The following TRHDE variants were observed in gnomAD, a reference collection of about 807,000 sequenced individuals.
TRHDE encodes thyrotropin releasing hormone degrading enzyme.
Under a neutral mutation model 125.7 loss-of-function variants are expected in TRHDE, and 72 were observed. The observed-to-expected ratio is 0.57, with a 90% confidence interval of 0.47 to 0.70. The LOEUF is 0.70. Ranked by LOEUF, TRHDE falls within the 30% of genes least tolerant of loss-of-function variation. The probability of loss-of-function intolerance (pLI) is 0.00; values close to 1 mark genes in which losing one functional copy is unlikely to be tolerated. For missense variants in TRHDE, 1,110 were observed against 1,327.1 expected (o/e 0.84, Z 2.54); for synonymous variants, 509 against 509.1 (o/e 1.00, Z 0.00).
At chr12:72,214,678 A>T (rs983241616) in intron 2 of TRHDE, among the ~76,000 whole-genome samples, 1 of 152,220 alleles carries the variant, frequency 6.6e-6, no homozygotes, top group East Asian at 1.9e-4. Flanking sequence ...AACAAAATCA[A>T]TGACACATAA....
chr12:72,096,710 G>C (rs535036498), intron 1 of TRHDE, among the ~76,000 whole-genome samples: 1 of 152,282 alleles, frequency 6.6e-6, no homozygotes, highest in Admixed American at 6.5e-5. Context: ...GAATAGCCCA[G>C]CTCAACCTAG....
intron 3 of TRHDE, among the ~76,000 whole-genome samples, chr12:72,412,525 G>A (rs117235376): frequency 1.1e-3 from 173 of 152,116 alleles, no homozygotes; most frequent in Non-Finnish European, 2.1e-3. Context: ...TTGAAGATGG[G>A]CCTGTCCTAT....
intron 2 of TRHDE, among the ~76,000 whole-genome samples, chr12:72,354,086 G>A (rs1217824736): frequency 6.6e-6 from 1 of 151,486 alleles, no homozygotes; most frequent in East Asian, 2.0e-4. Flanking sequence ...GGTATACTAT[G>A]GAATACTTAA....
At chr12:72,463,835 T>C (rs533578176) in intron 3 of TRHDE, among the ~76,000 whole-genome samples, 2 of 152,206 alleles carry the variant, frequency 1.3e-5, no homozygotes, top group Non-Finnish European at 2.9e-5. Context: ...AGATTATTCA[T>C]CAGAAGGGTA....
chr12:72,568,096 T>A (rs1349499671), intron 9 of TRHDE, among the ~76,000 whole-genome samples: 3 of 152,074 alleles, frequency 2.0e-5, no homozygotes, highest in Non-Finnish European at 4.4e-5. Flanking sequence ...TACGTCATAT[T>A]AACTTTTCTG....
intron 2 of TRHDE, among the ~76,000 whole-genome samples, chr12:72,173,211 A>G (rs1366067349): frequency 1.3e-5 from 2 of 152,188 alleles, no homozygotes; most frequent in Non-Finnish European, 2.9e-5. Flanking sequence ...GCCATTTGCA[A>G]TCATTATCTG....
At chr12:72,516,732 AG>A (rs1345305629) in intron 6 of TRHDE, among the ~76,000 whole-genome samples, 4 of 151,070 alleles carry the variant, frequency 2.6e-5, no homozygotes, top group African/African-American at 9.7e-5. Context: ...CAGTTTTCAA[AG>A]GGAATGCTTC....
chr12:72,546,324 A>G (rs1358214128), intron 7 of TRHDE, among the ~76,000 whole-genome samples: 1 of 151,706 alleles, frequency 6.6e-6, no homozygotes, highest in Non-Finnish European at 1.5e-5. Flanking sequence ...GAGAATTTAA[A>G]GCACTAAGGT....
At chr12:72,373,774 G>A (rs113034451) in intron 2 of TRHDE, among the ~76,000 whole-genome samples, 17 of 152,238 alleles carry the variant, frequency 1.1e-4, no homozygotes, top group African/African-American at 3.9e-4. Flanking sequence ...GTATGTTTGA[G>A]GAGTGAAAAG....
chr12:72,663,162 T>C lies in TRHDE; in HGVS notation c.3177T>C (p.Leu1059=). 6.2e-7 allele frequency: 1 copy of C among 1,612,746 alleles called. No individual in the cohort carries two copies. The highest frequency in any genetic ancestry group is 8.5e-7 in the Non-Finnish European group (1 of 1,179,280). ...VRWKMLYQDE[L]FQWLGKALRH is the part of the protein sequence containing the mutation. ...GGAAAATGCTTTACCAAGACGAGCT[T>C]TTCCAATGGTTAGGAAAAGCTCTAA... is the stretch of plus-strand genomic sequence containing the variant. Residue 1059 remains leucine, a synonymous_variant, in exon 19 of 19, where the codon CTT becomes CTC. Transcript: ENST00000261180.
intron 3 of TRHDE, 98 bp from the exon 4 acceptor site, chr12:72,469,660 A>G: frequency 2.3e-6 from 3 of 1,318,224 alleles, no homozygotes; most frequent in Non-Finnish European, 2.1e-6. Context: ...AAAATCAAGT[A>G]TTCCTTATAA....
intron 2 of TRHDE, among the ~76,000 whole-genome samples, chr12:72,204,859 G>T (rs1877633311): frequency 6.6e-6 from 1 of 152,034 alleles, no homozygotes; most frequent in Non-Finnish European, 1.5e-5. Flanking sequence ...TTTGTCCTAT[G>T]TCAGGCCATG....
At chr12:72,237,878 A>G (rs1194611531) in intron 2 of TRHDE, among the ~76,000 whole-genome samples, 1 of 152,138 alleles carries the variant, frequency 6.6e-6, no homozygotes, top group Non-Finnish European at 1.5e-5. Context: ...TCTGGAAAAG[A>G]GCCATCCATG....
intron 1 of TRHDE, among the ~76,000 whole-genome samples, chr12:72,285,261 G>T (rs767891105): frequency 6.6e-6 from 1 of 152,136 alleles, no homozygotes; most frequent in Non-Finnish European, 1.5e-5. Flanking sequence ...TTGAGGCCAA[G>T]TTCGGGTTTG....
intron 12 of TRHDE, among the ~76,000 whole-genome samples, chr12:72,592,795 C>T (rs1342294053): frequency 1.3e-5 from 2 of 151,938 alleles, no homozygotes; most frequent in African/African-American, 4.8e-5. Context: ...ACTGCAACCT[C>T]CACCTCCCGG....
intron 3 of TRHDE, among the ~76,000 whole-genome samples, chr12:72,407,259 T>C (rs970427026): frequency 1.3e-5 from 2 of 152,210 alleles, no homozygotes; most frequent in African/African-American, 2.4e-5. Flanking sequence ...CTGACTTGCA[T>C]GTGAGAAAAC....
At chr12:72,393,577 C>A (rs1271078773) in intron 3 of TRHDE, among the ~76,000 whole-genome samples, 2 of 152,144 alleles carry the variant, frequency 1.3e-5, no homozygotes, top group Non-Finnish European at 2.9e-5. Flanking sequence ...AAGATCTGTT[C>A]CCACAGTGTC....
intron 1 of TRHDE, among the ~76,000 whole-genome samples, chr12:72,101,496 C>T (rs1327220382): frequency 2.0e-5 from 3 of 152,070 alleles, no homozygotes; most frequent in Non-Finnish European, 4.4e-5. Context: ...ATAAGTCACG[C>T]AAATAGTTTT....
chr12:72,253,070 T>C (rs117982408), intron 2 of TRHDE, among the ~76,000 whole-genome samples: 6,162 of 152,164 alleles, frequency 0.04, 171 homozygotes, highest in Middle Eastern at 0.068. Context: ...CAACATCATT[T>C]TGTTATAACT....
Sources: allele counts gnomAD v4.1 joint callset (sites outside exome capture counted in the v4.1 genomes callset), GRCh38; gene constraint gnomAD v4.1.1; transcripts MANE v1.5; gene names NCBI Gene and HGNC (gene_info 2026-07-23, HGNC 2026-07-21).